The following ANKRD50 variants were observed in gnomAD, a reference collection of about 807,000 sequenced individuals.
The protein encoded by ANKRD50 is ankyrin repeat domain 50.
ANKRD50 carries 40 observed loss-of-function variants against 112.0 expected under a neutral mutation model. That is an observed-to-expected ratio of 0.36 (90% CI 0.28 to 0.46). The LOEUF (loss-of-function observed/expected upper bound fraction) is 0.46. Ranked by LOEUF, ANKRD50 falls within the 20% of genes least tolerant of loss-of-function variation. ANKRD50 has a pLI of 1.00. For missense variants in ANKRD50, 1,487 were observed against 1,701.7 expected, an observed-to-expected ratio of 0.87 and a Z score of 2.22; for synonymous variants, 613 against 619.1, an observed-to-expected ratio of 0.99 and a Z score of 0.15.
intron 2 of ANKRD50, among the ~76,000 whole-genome samples, chr4:124,700,367 G>T (rs937304952): frequency 6.6e-6 from 1 of 152,180 alleles, no homozygotes; most frequent in African/African-American, 2.4e-5. Context: ...TTTTAAGCAG[G>T]AAAGTAACAT....
intron 2 of ANKRD50, among the ~76,000 whole-genome samples, chr4:124,688,584 A>T (rs957564727): frequency 6.6e-6 from 1 of 152,204 alleles, no homozygotes; most frequent in Non-Finnish European, 1.5e-5. Flanking sequence ...TGGTACTACC[A>T]GGGAGTCAGA....
chr4:124,675,920 G>C (rs1400760917), intron 3 of ANKRD50, among the ~76,000 whole-genome samples: 1 of 151,738 alleles, frequency 6.6e-6, no homozygotes, highest in African/African-American at 2.4e-5. Context: ...GGTCAGTATA[G>C]TGAATACATC....
At position 124,670,786 on chromosome 4, in the gene ANKRD50, G is replaced by A. The variant is rs767358032; in HGVS notation, c.2491C>T (p.Arg831Cys). The change falls in exon 4 of 5, where the codon CGT becomes TGT. Residue 831 changes from arginine to cysteine, a missense_variant. By Grantham distance (180) the Arg-to-Cys change is radical. Transcript: ENST00000504087. ...ASAQGNVEVV[R>C]TLLDRGLDEN... ...TCTAACCCTCTATCCAGTAGAGTAC[G>A]TACCACCTCAACATTTCCTTGTGCT... 2.7e-5 allele frequency: 43 copies of A among 1,613,684 alleles called. No individual in the cohort carries two copies. Among genetic ancestry groups the A allele is most frequent in the Middle Eastern group, 1.6e-4 (1 of 6,078 alleles).
At chr4:124,698,844 G>A (rs868085005) in intron 2 of ANKRD50, among the ~76,000 whole-genome samples, 1 of 152,030 alleles carries the variant, frequency 6.6e-6, no homozygotes, top group South Asian at 2.1e-4. Context: ...CCATAAAAAT[G>A]ATATACTCCT....
In ANKRD50 at chr4:124,710,124, G is replaced by T; in HGVS notation, c.388C>A (p.Leu130Ile). The change falls in exon 2 of 5, where the codon CTA becomes ATA. Residue 130 changes from leucine (L) to isoleucine (I), a missense_variant. Leu to Ile is a conservative substitution (Grantham distance 5, BLOSUM62 2). Coordinates refer to ENST00000504087, the MANE Select transcript of ANKRD50 (RefSeq NM_020337.3). ...CCACTGCGGCAGATCTGGGCTACTAGACCTCTAATAAACCCTCCAACACAC... is the reference window on the plus strand; with the variant it reads ...CCACTGCGGCAGATCTGGGCTACTATACCTCTAATAAACCCTCCAACACAC... ...TLCVGGFIRG[L>I]VAQICRSGLL... 1.2e-6 allele frequency: 2 copies of T among 1,614,162 alleles called. No homozygotes were observed. The highest frequency in any genetic ancestry group is 1.7e-6 in the Non-Finnish European group (2 of 1,180,048).
At chr4:124,689,998 C>T (rs1049170809) in intron 2 of ANKRD50, among the ~76,000 whole-genome samples, 2 of 152,082 alleles carry the variant, frequency 1.3e-5, no homozygotes, top group Non-Finnish European at 2.9e-5. Flanking sequence ...CCCACTTTTG[C>T]AGTATTAGTC....
Position 124,670,468 on chromosome 4 carries a change from C to T in ANKRD50, c.2809G>A (p.Ala937Thr), listed in dbSNP as rs1730614411. ...DIVELLFSHG[A>T]DVNCKDADGR... Reference sequence around the variant, plus strand: ...TCAGCATCTTTGCAGTTAACATCAGCACCATGGCTAAAAAGCAATTCAACA... The same window carrying T: ...TCAGCATCTTTGCAGTTAACATCAGTACCATGGCTAAAAAGCAATTCAACA... The change falls in exon 4 of 5, where the codon GCT becomes ACT. Residue 937 changes from alanine (A) to threonine (T), a missense_variant. Physicochemically the swap from Ala to Thr is moderately conservative, Grantham distance 58. Coordinates refer to ENST00000504087, the MANE Select transcript of ANKRD50 (RefSeq NM_020337.3). 1 of 1,613,872 alleles carries T rather than the reference C, an allele frequency of 6.2e-7. No individual in the cohort carries two copies. Among genetic ancestry groups the T allele is most frequent in the Non-Finnish European group, 8.5e-7 (1 of 1,179,876 alleles).
At chr4:124,668,909 G>A (rs1730560146) in intron 4 of ANKRD50, 75 bp downstream of exon 4, 2 of 1,354,648 alleles carry the variant, frequency 1.5e-6, no homozygotes. Flanking sequence ...TTGGCCTTGT[G>A]ATCAAGGAAA....
chr4:124,670,060 G>C lies in ANKRD50; in HGVS notation c.3217C>G (p.His1073Asp). The change falls in exon 4 of 5, where the codon CAT becomes GAT. Residue 1073 changes from histidine (H) to aspartate (D), a missense_variant. His to Asp is a moderately conservative substitution (Grantham distance 81). Transcript: ENST00000504087. ...GCAGTGCGTCCAAATTGATCAGCAT[G>C]GTTTGGATCAGCACCATGCTCTAAT... ...VLLEHGADPN[H>D]ADQFGRTAMR... 6.2e-7 allele frequency: 1 copy of C among 1,612,790 alleles called. No homozygotes were observed. Among genetic ancestry groups the C allele is most frequent in the East Asian group, 2.2e-5 (1 of 44,848 alleles).
intron 2 of ANKRD50, among the ~76,000 whole-genome samples, chr4:124,708,691 T>TACACACACACACACACAC (rs10558584): frequency 6.9e-6 from 1 of 145,582 alleles, no homozygotes; most frequent in African/African-American, 2.5e-5. Context: ...TACTAACACA[T>TACACACACACACACACAC]ACACACACAC....
Position 124,699,537 on chromosome 4 carries a change from C to A in ANKRD50, c.512+10463G>T, listed in dbSNP as rs181336140. 5.3e-5 allele frequency among the ~76,000 whole-genome samples: 8 copies of A among 152,042 alleles called. No individual in the cohort carries two copies. The East Asian group carries it at 1.5e-3, about 29-fold the overall frequency. On this transcript the variant is annotated intron_variant, in intron 2 of 4. Coordinates refer to ENST00000504087, the MANE Select transcript of ANKRD50 (RefSeq NM_020337.3). ...ATAAATATTAATTTTAAGTGACAGT[C>A]TCAGAAAGAATGACAGCTATTCCAC...
intron 2 of ANKRD50, among the ~76,000 whole-genome samples, chr4:124,681,419 T>G (rs936222520): frequency 6.6e-6 from 1 of 152,150 alleles, no homozygotes; most frequent in Non-Finnish European, 1.5e-5. Flanking sequence ...GGACAATCCA[T>G]CCTGGTTTGC....
chr4:124,666,412 G>A lies in ANKRD50; in HGVS notation c.*1106C>T, dbSNP rs553023619. On this transcript the variant is annotated 3_prime_UTR_variant, in exon 5 of 5. Transcript: ENST00000504087. ...ATGTGCTATGATTGACAGGGGAGTG[G>A]TGTCATCTGTGAAGGGCAGCACATT... 6.6e-6 allele frequency: 1 copy of A among 152,516 alleles called. No individual in the cohort carries two copies. Among genetic ancestry groups the A allele is most frequent in the East Asian group, 1.9e-4 (1 of 5,158 alleles). 9.4% of individuals were successfully genotyped at this position (152,516 alleles called of 1,614,324 possible).
In ANKRD50 at chr4:124,667,009, T is replaced by A. The variant is rs892269795; in HGVS notation, c.*509A>T. The A allele has an allele frequency of 1.4e-4, 21 of 151,976 alleles. No individual in the cohort carries two copies. Among genetic ancestry groups the A allele is most frequent in the African/African-American group, 4.6e-4 (19 of 41,410 alleles). 9.4% of individuals were successfully genotyped at this position (151,976 alleles called of 1,614,324 possible). On this transcript the variant is annotated 3_prime_UTR_variant, in exon 5 of 5. Coordinates refer to ENST00000504087, the MANE Select transcript of ANKRD50 (RefSeq NM_020337.3). The stretch of plus-strand genomic sequence containing the variant: ...TCCAATGCTGAAGGTGTAGTGAACA[T>A]AGAACAGTTGCAAGATTTGTTTTAT...
chr4:124,682,355 T>C (rs545489091), intron 2 of ANKRD50, among the ~76,000 whole-genome samples: 7 of 138,148 alleles, frequency 5.1e-5, no homozygotes, highest in Admixed American at 3.6e-4. Context: ...AAAAAAAGAA[T>C]GCACATACTG....
intron 2 of ANKRD50, among the ~76,000 whole-genome samples, chr4:124,701,025 C>T (rs571345770): frequency 3.2e-4 from 48 of 152,196 alleles, no homozygotes; most frequent in South Asian, 1.0e-3. Context: ...GGTGCAATGC[C>T]GTGATCTCAG....
At chr4:124,674,290 A>C (rs1396619585) in intron 3 of ANKRD50, among the ~76,000 whole-genome samples, 2 of 151,946 alleles carry the variant, frequency 1.3e-5, no homozygotes, top group Admixed American at 1.3e-4. Context: ...AAGATAATAC[A>C]TTATGAATAA....
chr4:124,693,568 C>T (rs1193408747), intron 2 of ANKRD50, among the ~76,000 whole-genome samples: 1 of 152,036 alleles, frequency 6.6e-6, no homozygotes, highest in Non-Finnish European at 1.5e-5. Flanking sequence ...TATTCAGTTA[C>T]CCCTTATACT....
Position 124,671,876 on chromosome 4 carries a change from C to T in ANKRD50, c.1401G>A (p.Glu467=). The T allele has an allele frequency of 6.2e-7, 1 of 1,613,878 alleles. No homozygotes were observed. Among genetic ancestry groups the T allele is most frequent in the Non-Finnish European group, 8.5e-7 (1 of 1,179,882 alleles). Residue 467 remains glutamate, a synonymous_variant, in exon 4 of 5, where the codon GAG becomes GAA. Coordinates refer to ENST00000504087, the MANE Select transcript of ANKRD50 (RefSeq NM_020337.3). ...TCATCCACAGAGCTAACTCCGCTGT[C>T]TCTAATTGTAAGTTTGAGTTAATTA... The part of the protein sequence containing the change: ...LHLINSNLQL[E]TAELALWMIW...
Sources: gnomAD v4.1 joint callset for allele counts (sites outside exome capture counted in the v4.1 genomes callset) on GRCh38, gnomAD v4.1.1 for gene constraint, MANE v1.5 for transcripts, NCBI Gene and HGNC (gene_info 2026-07-23, HGNC 2026-07-21) for gene names.